The following CDH12 variants were observed in gnomAD, a reference collection of about 807,000 sequenced individuals.
The protein encoded by CDH12 is cadherin 12.
In CDH12, 41 loss-of-function variants were observed where a neutral mutation model predicts 74.1. The ratio of observed to expected loss-of-function variants is 0.55; its 90% confidence interval spans 0.43 to 0.72. The LOEUF (loss-of-function observed/expected upper bound fraction) is 0.72. Among genes scored for constraint, CDH12 ranks in the 30% least tolerant of loss-of-function variants. CDH12 has a pLI of 0.00. For synonymous variants in CDH12, 399 were observed against 355.0 expected (o/e 1.12, Z -1.39); for missense variants, 945 against 977.2 (o/e 0.97, Z 0.44).
intron 3 of CDH12, among the ~76,000 whole-genome samples, chr5:22,214,365 A>C (rs2150365056): frequency 6.6e-6 from 1 of 152,324 alleles, no homozygotes; most frequent in East Asian, 1.9e-4. Flanking sequence ...GCTGCTGTAA[A>C]GCAGGAAACC....
Position 22,433,994 on chromosome 5 carries a change from G to C in CDH12, c.-427-28643C>G, listed in dbSNP as rs111384338. On this transcript the variant is annotated intron_variant, in intron 2 of 14. Transcript: ENST00000382254. The stretch of plus-strand genomic sequence containing the variant: ...ATACGTTCTGTAAGTTTTCTGAGTC[G>C]TTCTGATCACAGCTCATTTCTCGTG... 6.3e-3 allele frequency among the ~76,000 whole-genome samples: 962 copies of C among 152,180 alleles called. 11 individuals carry two copies. Among genetic ancestry groups the C allele is most frequent in the African/African-American group, 0.022 (920 of 41,526 alleles).
chr5:22,589,907 G>A (rs1740595039), intron 1 of CDH12, among the ~76,000 whole-genome samples: 1 of 151,882 alleles, frequency 6.6e-6, no homozygotes, highest in Admixed American at 6.6e-5. Context: ...TCTCCTTTGG[G>A]TTCTAACCCA....
Position 22,230,267 on chromosome 5 carries a change from G to A in CDH12, c.-332-17624C>T, listed in dbSNP as rs1158352083. 2.0e-5 allele frequency among the ~76,000 whole-genome samples: 3 copies of A among 152,080 alleles called. No individual in the cohort carries two copies. The East Asian group carries it at 5.8e-4, about 30-fold the overall frequency. The stretch of plus-strand genomic sequence containing the variant: ...AGGACAAAAGGAAAATTACTGACAA[G>A]CTGGGAAAGGAAGCTTATTTATGAC... On this transcript the variant is annotated intron_variant, in intron 3 of 14. Transcript: ENST00000382254.
rs1744121637 is a variant in CDH12 at position 21,752,099 on chromosome 5, T to C, written c.2023A>G (p.Ile675Val). The C allele has an allele frequency of 1.9e-6, 3 of 1,614,058 alleles. No homozygotes were observed. Among genetic ancestry groups the C allele is most frequent in the Admixed American group, 1.7e-5 (1 of 59,982 alleles). Reference sequence around the variant, plus strand: ...ACTTTTGGGTTTCTCAGAGCCCCGATGTCGAAAGCCTGGGTATCTTCCTCC... The same window carrying C: ...ACTTTTGGGTTTCTCAGAGCCCCGACGTCGAAAGCCTGGGTATCTTCCTCC... ...GGEEDTQAFDIGALRNPKVIE... is the reference protein window; with the variant it reads ...GGEEDTQAFDVGALRNPKVIE... Residue 675 changes from isoleucine (I) to valine (V), a missense_variant, in exon 15 of 15, where the codon ATC (isoleucine) becomes GTC (valine). Physicochemically the swap from Ile to Val is conservative, Grantham distance 29. This residue lies in a region of CDH12 where 791 missense variants were observed against 792.8 expected (regional missense o/e 1.00). Transcript: ENST00000382254.
intron 1 of CDH12, among the ~76,000 whole-genome samples, chr5:22,599,924 A>T (rs911058641): frequency 7.2e-5 from 11 of 152,270 alleles, no homozygotes; most frequent in Admixed American, 2.0e-4. Context: ...ATTATTGTGG[A>T]TTTATGTAGC....
At chr5:22,684,459 G>A (rs1741655307) in intron 1 of CDH12, among the ~76,000 whole-genome samples, 1 of 152,160 alleles carries the variant, frequency 6.6e-6, no homozygotes, top group Non-Finnish European at 1.5e-5. Context: ...TAAAAGGTGA[G>A]GATCTAGATA....
intron 4 of CDH12, among the ~76,000 whole-genome samples, chr5:22,154,425 CATAT>C (rs1561169585): frequency 2.1e-5 from 3 of 140,652 alleles, no homozygotes; most frequent in African/African-American, 7.8e-5. Context: ...CACACATATA[CATAT>C]ATAGTGAATA....
intron 1 of CDH12, among the ~76,000 whole-genome samples, chr5:22,618,104 A>C (rs2126835820): frequency 6.6e-6 from 1 of 152,186 alleles, no homozygotes; most frequent in African/African-American, 2.4e-5. Context: ...AAATTAATGC[A>C]CTTTTCTTCA....
At chr5:21,964,544 C>A (rs1266314376) in intron 6 of CDH12, among the ~76,000 whole-genome samples, 1 of 151,648 alleles carries the variant, frequency 6.6e-6, no homozygotes, top group Non-Finnish European at 1.5e-5. Context: ...TGCTAGTTAC[C>A]AAATTATAAT....
rs556332114 is a variant in CDH12 at position 22,574,508 on chromosome 5, A to G, written c.-522-69144T>C. Among the ~76,000 whole-genome samples the G allele has an allele frequency of 1.5e-4, 23 of 152,248 alleles. 1 individual carries two copies. In the South Asian group the frequency reaches 4.8e-3, roughly 32 times the overall value. ...GTAGATTTTATGGAATCAGCAACCT[A>G]TCAAACTTATTAATCTGTACCTTCC... On this transcript the variant is annotated intron_variant, in intron 1 of 14. Transcript: ENST00000382254.
intron 3 of CDH12, among the ~76,000 whole-genome samples, chr5:22,394,491 C>T (rs777521233): frequency 6.6e-6 from 1 of 152,066 alleles, no homozygotes; most frequent in Non-Finnish European, 1.5e-5. Flanking sequence ...AAGGCAGAGG[C>T]TGGTGGAGCA....
chr5:22,641,543 G>A (rs1413209675), intron 1 of CDH12, among the ~76,000 whole-genome samples: 3 of 151,954 alleles, frequency 2.0e-5, no homozygotes, highest in East Asian at 1.9e-4. Context: ...TTACCGGTTC[G>A]CTAGCTATTC....
chr5:22,253,470 TA>T (rs1485925991), intron 3 of CDH12, among the ~76,000 whole-genome samples: 2 of 151,950 alleles, frequency 1.3e-5, no homozygotes, highest in Non-Finnish European at 1.5e-5. Flanking sequence ...TCATTTAAAA[TA>T]AAGTACTTGT....
At position 21,883,008 on chromosome 5, in the gene CDH12, A is replaced by G. The variant is rs578120689; in HGVS notation, c.527-28218T>C. 9.3e-5 allele frequency: 149 copies of G among 1,607,570 alleles called. 2 individuals carry two copies. In the East Asian group the frequency reaches 3.2e-3, roughly 34 times the overall value. On this transcript the variant is annotated intron_variant, in intron 6 of 14. Transcript: ENST00000382254. The stretch of plus-strand genomic sequence containing the variant: ...TAGCAAAGGTGCTAATCCAGTGGAA[A>G]TCAGGAGAGGTGTGATGTTAGCTGT...
chr5:21,821,907 AT>A (rs1456640518), intron 8 of CDH12, among the ~76,000 whole-genome samples: 1 of 151,862 alleles, frequency 6.6e-6, no homozygotes, highest in African/African-American at 2.4e-5. Flanking sequence ...TCAATATTTT[AT>A]TTTTTTAAAT....
At chr5:21,804,643 A>AACACACACAC (rs11281181) in intron 9 of CDH12, among the ~76,000 whole-genome samples, 70 of 115,350 alleles carry the variant, frequency 6.1e-4, no homozygotes, top group African/African-American at 2.0e-3. Context: ...AGTGAATTAA[A>AACACACACAC]ACACACACAC....
At chr5:22,670,025 A>G (rs1267414411) in intron 1 of CDH12, among the ~76,000 whole-genome samples, 1 of 152,138 alleles carries the variant, frequency 6.6e-6, no homozygotes, top group African/African-American at 2.4e-5. Context: ...CCACCAGCCA[A>G]AATGTATGTA....
chr5:22,116,467 T>G (rs188022252), intron 4 of CDH12, among the ~76,000 whole-genome samples: 1 of 152,186 alleles, frequency 6.6e-6, no homozygotes, highest in Admixed American at 6.5e-5. Context: ...TAGCCAGGCG[T>G]GGTGGCGCGT....
chr5:22,328,279 T>C (rs907749779), intron 3 of CDH12, among the ~76,000 whole-genome samples: 1 of 152,226 alleles, frequency 6.6e-6, no homozygotes, highest in African/African-American at 2.4e-5. Flanking sequence ...TACTAGTTAT[T>C]GTCAAATTGC....
Sources: allele counts gnomAD v4.1 joint callset (sites outside exome capture counted in the v4.1 genomes callset), GRCh38; gene constraint gnomAD v4.1.1; regional missense constraint gnomAD v4.1.1; transcripts MANE v1.5; gene names NCBI Gene and HGNC (gene_info 2026-07-23, HGNC 2026-07-21).